Variants in PTPRD observed in about 807,000 individuals in gnomAD.
PTPRD encodes the protein receptor-type tyrosine-protein phosphatase delta.
Under a neutral mutation model 214.5 loss-of-function variants are expected in PTPRD, and 34 were observed. The observed-to-expected ratio is 0.16, with a 90% CI of 0.12 to 0.21. The LOEUF is 0.21. Among genes scored for constraint, PTPRD ranks in the 10% least tolerant of loss-of-function variants. The pLI, the probability that PTPRD is intolerant of heterozygous loss-of-function variation, is 1.00. For missense variants in PTPRD, 2,545 were observed against 2,398.7 expected (o/e 1.06, Z -1.27); for synonymous variants, 1,128 against 845.7 (o/e 1.33, Z -5.79).
chr9:9,544,525 A>G (rs7850061), intron 8 of PTPRD, among the ~76,000 whole-genome samples: 34,993 of 151,486 alleles, frequency 0.23, 4,369 homozygotes, highest in Non-Finnish European at 0.26. Flanking sequence ...ATGATGCTAA[A>G]AGCAGTTTGA....
In PTPRD at chr9:9,140,869, T is replaced by C. The variant is rs575318410; in HGVS notation, c.-143+42435A>G. ...CTGGGATTACAGGCGTGAGCCACCG[T>C]ACCCGGCCAAACAGTGCTACATCTT... On this transcript the variant is annotated intron_variant, in intron 10 of 45. Coordinates refer to ENST00000381196, the MANE Select transcript of PTPRD (RefSeq NM_002839.4). Among the ~76,000 whole-genome samples, 696 of 152,188 alleles carry C rather than the reference T, an allele frequency of 4.6e-3. 8 individuals carry two copies. The highest frequency in any genetic ancestry group is 0.016 in the African/African-American group (651 of 41,548).
intron 2 of PTPRD, among the ~76,000 whole-genome samples, chr9:10,421,994 CAA>C (rs2098550156): frequency 6.6e-6 from 1 of 151,774 alleles, no homozygotes; most frequent in African/African-American, 2.4e-5. Context: ...TAGAAATATT[CAA>C]AGAGTATCTA....
chr9:10,191,647 A>T (rs572982216), intron 3 of PTPRD, among the ~76,000 whole-genome samples: 1 of 152,162 alleles, frequency 6.6e-6, no homozygotes, highest in Non-Finnish European at 1.5e-5. Context: ...CCAAATGTCC[A>T]TCAAAATATA....
chr9:8,910,245 G>C (rs927794110), intron 11 of PTPRD, among the ~76,000 whole-genome samples: 2 of 151,846 alleles, frequency 1.3e-5, no homozygotes, highest in East Asian at 3.9e-4. Context: ...CACCGTGTTA[G>C]CCAGGATGGT....
intron 4 of PTPRD, among the ~76,000 whole-genome samples, chr9:9,949,122 G>A (rs990784645): frequency 1.3e-5 from 2 of 151,964 alleles, no homozygotes; most frequent in African/African-American, 4.8e-5. Context: ...GGAAGAGATG[G>A]AAGCAATTAT....
chr9:10,558,398 G>C (rs1019109520), intron 2 of PTPRD, among the ~76,000 whole-genome samples: 7 of 152,074 alleles, frequency 4.6e-5, no homozygotes, highest in Non-Finnish European at 1.0e-4. Context: ...TAAGATTCTT[G>C]ATAATATTCC....
intron 3 of PTPRD, among the ~76,000 whole-genome samples, chr9:10,092,802 A>G (rs1468943594): frequency 6.6e-6 from 1 of 151,516 alleles, no homozygotes; most frequent in African/African-American, 2.4e-5. Context: ...AAAGTCACAT[A>G]CCTACAACCA....
chr9:9,351,565 G>A (rs1596234948), intron 9 of PTPRD, among the ~76,000 whole-genome samples: 1 of 152,028 alleles, frequency 6.6e-6, no homozygotes, highest in African/African-American at 2.4e-5. Context: ...GCCAAATAAA[G>A]CCTAGACACC....
chr9:9,601,154 G>GAA (rs201557531), intron 7 of PTPRD, among the ~76,000 whole-genome samples: 8,909 of 94,088 alleles, frequency 0.095, 757 homozygotes, highest in African/African-American at 0.24. Flanking sequence ...TGTGTGTATG[G>GAA]GGGGGGGAGA....
At chr9:10,183,945 A>G (rs1367443759) in intron 3 of PTPRD, among the ~76,000 whole-genome samples, 1 of 152,208 alleles carries the variant, frequency 6.6e-6, no homozygotes, top group South Asian at 2.1e-4. Flanking sequence ...CTCACATACA[A>G]TAATGTTGAG....
At chr9:10,188,881 C>T (rs1181507863) in intron 3 of PTPRD, among the ~76,000 whole-genome samples, 1 of 152,180 alleles carries the variant, frequency 6.6e-6, no homozygotes, top group Non-Finnish European at 1.5e-5. Context: ...TGGAGCTTAA[C>T]ACAATAATTG....
intron 7 of PTPRD, among the ~76,000 whole-genome samples, chr9:9,686,769 C>T (rs986301851): frequency 2.6e-5 from 4 of 151,664 alleles, no homozygotes; most frequent in African/African-American, 7.3e-5. Flanking sequence ...TACATATATA[C>T]AGTGACTATG....
intron 37 of PTPRD, among the ~76,000 whole-genome samples, chr9:8,386,268 T>C (rs1245697327): frequency 2.0e-5 from 3 of 152,194 alleles, no homozygotes; most frequent in African/African-American, 7.2e-5. Context: ...AACTGTCCCA[T>C]AGCTGTCCTC....
At chr9:8,545,138 C>T (rs1351579227) in intron 14 of PTPRD, among the ~76,000 whole-genome samples, 2 of 152,088 alleles carry the variant, frequency 1.3e-5, no homozygotes, top group African/African-American at 4.8e-5. Flanking sequence ...ATTTAACAAA[C>T]AGCACATTGC....
At chr9:10,127,206 G>C (rs997830911) in intron 3 of PTPRD, among the ~76,000 whole-genome samples, 5 of 152,120 alleles carry the variant, frequency 3.3e-5, no homozygotes, top group East Asian at 1.9e-4. Flanking sequence ...TCAGGTAGTA[G>C]TGGGACCACT....
chr9:10,171,914 A>G (rs1390785437), intron 3 of PTPRD, among the ~76,000 whole-genome samples: 1 of 152,142 alleles, frequency 6.6e-6, no homozygotes, highest in Non-Finnish European at 1.5e-5. Context: ...AGTAGAAAGG[A>G]CAGAATCACT....
intron 11 of PTPRD, among the ~76,000 whole-genome samples, chr9:9,018,349 C>T (rs575373204): frequency 3.1e-4 from 47 of 152,236 alleles, no homozygotes; most frequent in South Asian, 1.7e-3. Flanking sequence ...TTAAATAAAA[C>T]GGTATATCTT....
rs567534852 is a variant in PTPRD, at chr9:9,070,337, A to C, written c.-142-51602T>G. On this transcript the variant is annotated intron_variant, in intron 10 of 45. Transcript: ENST00000381196. ...ACAAGAAATATGCTATTTTCCTTTCATTCCATTATAGAAATATAGAAAAAC... is the reference window on the plus strand; with the variant it reads ...ACAAGAAATATGCTATTTTCCTTTCCTTCCATTATAGAAATATAGAAAAAC... 2.0e-5 allele frequency among the ~76,000 whole-genome samples: 3 copies of C among 152,304 alleles called. No homozygotes were observed. The East Asian group carries it at 5.8e-4, about 29-fold the overall frequency.
At chr9:9,388,867 T>A (rs1212460213) in intron 9 of PTPRD, among the ~76,000 whole-genome samples, 1 of 152,112 alleles carries the variant, frequency 6.6e-6, no homozygotes, top group Non-Finnish European at 1.5e-5. Flanking sequence ...TATAAGGGAA[T>A]GCAATAATAT....
Sources: gnomAD v4.1 joint callset for allele counts (sites outside exome capture counted in the v4.1 genomes callset) on GRCh38, gnomAD v4.1.1 for gene constraint, MANE v1.5 for transcripts, NCBI Gene and HGNC (gene_info 2026-07-23, HGNC 2026-07-21) for gene names.